MGMT: variants seen among roughly 807,000 people sequenced by gnomAD.
MGMT encodes O-6-methylguanine-DNA methyltransferase.
In MGMT, 14 loss-of-function variants were observed where a neutral mutation model predicts 15.9. The observed-to-expected ratio is 0.88, with a 90% CI of 0.58 to 1.37. MGMT has a LOEUF of 1.37. Ranked by LOEUF, MGMT falls within the 40% of genes most tolerant of loss-of-function variation. The pLI is 0.00. For missense variants in MGMT, 282 were observed against 268.1 expected (o/e 1.05, Z -0.36); for synonymous variants, 130 against 118.2 (o/e 1.10, Z -0.65).
At chr10:129,704,286 T>A (rs578022779) in intron 2 of MGMT, among the ~76,000 whole-genome samples, 1 of 152,168 alleles carries the variant, frequency 6.6e-6, no homozygotes, top group Non-Finnish European at 1.5e-5. Flanking sequence ...AAGGAAACTC[T>A]GAGAGAGGCC....
At chr10:129,477,331 A>T (rs937671185) in intron 1 of MGMT, among the ~76,000 whole-genome samples, 1 of 152,184 alleles carries the variant, frequency 6.6e-6, no homozygotes, top group Non-Finnish European at 1.5e-5. Flanking sequence ...GCTAGATTGG[A>T]TGCTCTCCAA....
intron 2 of MGMT, among the ~76,000 whole-genome samples, chr10:129,696,030 G>A (rs1251131013): frequency 1.3e-5 from 2 of 152,152 alleles, no homozygotes; most frequent in Non-Finnish European, 1.5e-5. Context: ...GAGAAGGCAT[G>A]CCTACAGACA....
At chr10:129,524,783 G>T (rs1845851077) in intron 1 of MGMT, among the ~76,000 whole-genome samples, 2 of 151,704 alleles carry the variant, frequency 1.3e-5, no homozygotes, top group African/African-American at 4.8e-5. Flanking sequence ...GTAGAGACGG[G>T]GTTTCACCGT....
At chr10:129,535,542 C>G (rs1267865375) in intron 1 of MGMT, among the ~76,000 whole-genome samples, 2 of 152,158 alleles carry the variant, frequency 1.3e-5, no homozygotes, top group African/African-American at 2.4e-5. Context: ...TCTTTTGGGG[C>G]AGGGTCTTGC....
rs148332828 is a variant in MGMT at position 129,730,530 on chromosome 10, C to T, written c.274+22487C>T. On this transcript the variant is annotated intron_variant, in intron 3 of 4. Transcript: ENST00000651593. ...TGTTTCTAAGGGAAGGCAGAGAAAG[C>T]CAGTGCTCCAAAGACAGCAGAGCAG... 6.6e-3 allele frequency among the ~76,000 whole-genome samples: 1,003 copies of T among 152,252 alleles called. 8 individuals are homozygous for T. The highest frequency in any genetic ancestry group is 0.01 in the Non-Finnish European group (703 of 68,018).
intron 2 of MGMT, among the ~76,000 whole-genome samples, chr10:129,629,192 C>G (rs1219319167): frequency 1.3e-5 from 2 of 152,234 alleles, no homozygotes; most frequent in Non-Finnish European, 2.9e-5. Flanking sequence ...TTTCAAGATA[C>G]TGTAAATAAT....
chr10:129,567,168 G>A (rs928664637), intron 2 of MGMT, among the ~76,000 whole-genome samples: 3 of 152,132 alleles, frequency 2.0e-5, no homozygotes, highest in East Asian at 3.9e-4. Flanking sequence ...CTCCCACTGC[G>A]TTCAGCCCGT....
intron 2 of MGMT, among the ~76,000 whole-genome samples, chr10:129,681,881 A>C (rs569967675): frequency 1.3e-5 from 2 of 152,342 alleles, no homozygotes; most frequent in South Asian, 2.1e-4. Context: ...CCAACTCTCT[A>C]AACTCAAAAA....
intron 2 of MGMT, among the ~76,000 whole-genome samples, chr10:129,562,393 C>T (rs1846291286): frequency 6.6e-6 from 1 of 152,146 alleles, no homozygotes; most frequent in African/African-American, 2.4e-5. Flanking sequence ...CTGCCATGGC[C>T]CTGGCCTCGT....
chr10:129,690,622 G>A (rs1277293946), intron 2 of MGMT, among the ~76,000 whole-genome samples: 1 of 152,234 alleles, frequency 6.6e-6, no homozygotes, highest in East Asian at 1.9e-4. Flanking sequence ...GGCCGCAGGA[G>A]AGCTGGAAAG....
chr10:129,659,359 G>GAAAAA lies in MGMT; in HGVS notation c.126-48526_126-48522dup, dbSNP rs758707637. ...GTGGCAGAGCGAGACTCCCTGTGTG[G>GAAAAA]AAAAAAAAAAAAAAGATACTCAGAT... On this transcript the variant is annotated intron_variant, in intron 2 of 4. Transcript: ENST00000651593. This position sits in a 1 kb window ranked among gnomAD's most constrained non-coding sequence, Gnocchi z 4.1. Among the ~76,000 whole-genome samples, 3 of 141,364 alleles carry GAAAAA rather than the reference G, an allele frequency of 2.1e-5. No individual in the cohort carries two copies. The highest frequency in any genetic ancestry group is 5.2e-5 in the African/African-American group (2 of 38,404). 92.7% of individuals were successfully genotyped at this position (141,364 alleles called of 152,430 possible). A position where few individuals can be genotyped will look rare whatever the true frequency, so the allele number is the denominator to read the frequency against.
intron 1 of MGMT, among the ~76,000 whole-genome samples, chr10:129,511,781 G>T (rs1845686335): frequency 1.3e-5 from 2 of 152,182 alleles, no homozygotes; most frequent in Non-Finnish European, 2.9e-5. Context: ...TATCTGTGCA[G>T]GCCTAGAGCC....
At chr10:129,546,357 G>A (rs543861621) in intron 2 of MGMT, among the ~76,000 whole-genome samples, 10 of 152,342 alleles carry the variant, frequency 6.6e-5, no homozygotes, top group South Asian at 4.1e-4. Flanking sequence ...GGGGCTGACC[G>A]AGTTAGGACA....
intron 2 of MGMT, among the ~76,000 whole-genome samples, chr10:129,657,456 C>T (rs915150764): frequency 1.1e-4 from 16 of 151,898 alleles, no homozygotes; most frequent in East Asian, 7.8e-4. Flanking sequence ...CCTGAGGCGC[C>T]CCTTGTCTTG....
At chr10:129,690,341 C>T (rs1847955235) in intron 2 of MGMT, among the ~76,000 whole-genome samples, 1 of 152,194 alleles carries the variant, frequency 6.6e-6, no homozygotes, top group Non-Finnish European at 1.5e-5. Context: ...TATTCAGTAA[C>T]ACCCGTTTGC....
intron 3 of MGMT, among the ~76,000 whole-genome samples, chr10:129,753,328 T>C (rs558324000): frequency 2.6e-5 from 4 of 152,258 alleles, no homozygotes; most frequent in Admixed American, 2.6e-4. Flanking sequence ...CTGTTTGCAG[T>C]TTTTTGGGCA....
chr10:129,606,246 T>C (rs1846889225), intron 2 of MGMT, among the ~76,000 whole-genome samples: 2 of 152,242 alleles, frequency 1.3e-5, no homozygotes, highest in African/African-American at 2.4e-5. Flanking sequence ...CTTGAAATGC[T>C]GACGTGAGCA....
rs531585728 is a variant in MGMT at position 129,546,101 on chromosome 10, C to T, written c.125+9724C>T. On this transcript the variant is annotated intron_variant, in intron 2 of 4. Coordinates refer to ENST00000651593, the MANE Select transcript of MGMT (RefSeq NM_002412.5). ...GTGAATACATTTAGGATTCAGTGAG[C>T]TTCTGTCATTTACTCGCTCATTCTC... Among the ~76,000 whole-genome samples, 11 of 152,326 alleles carry T rather than the reference C, an allele frequency of 7.2e-5. No individual in the cohort carries two copies. The South Asian group carries it at 2.3e-3, about 32-fold the overall frequency.
chr10:129,576,345 G>A (rs989188840), intron 2 of MGMT, among the ~76,000 whole-genome samples: 1 of 152,172 alleles, frequency 6.6e-6, no homozygotes, highest in African/African-American at 2.4e-5. Context: ...CCATGATCAA[G>A]TGGGCTTCAT....
Sources: allele counts gnomAD v4.1 joint callset (sites outside exome capture counted in the v4.1 genomes callset), GRCh38; gene constraint gnomAD v4.1.1; non-coding constraint Gnocchi (gnomAD v3.1); transcripts MANE v1.5; gene names NCBI Gene and HGNC (gene_info 2026-07-23, HGNC 2026-07-21).